The following PARD3 variants were observed in gnomAD, a reference collection of about 807,000 sequenced individuals.
PARD3 encodes par-3 family cell polarity regulator.
Under a neutral mutation model 155.4 loss-of-function variants are expected in PARD3, and 75 were observed. That is an observed-to-expected ratio of 0.48 (90% confidence interval 0.40 to 0.58). PARD3 has a LOEUF of 0.58. Among genes scored for constraint, PARD3 ranks in the 20% least tolerant of loss-of-function variants. The pLI is 0.00. For missense variants in PARD3, 1,642 were observed against 1,721.7 expected, an observed-to-expected ratio of 0.95 and a Z score of 0.82; for synonymous variants, 576 against 610.5, an observed-to-expected ratio of 0.94 and a Z score of 0.83.
At chr10:34,601,151 C>A (rs577761057) in intron 2 of PARD3, among the ~76,000 whole-genome samples, 1 of 151,026 alleles carries the variant, frequency 6.6e-6, no homozygotes, top group Non-Finnish European at 1.5e-5. Context: ...CCAGGCACAG[C>A]GGCTCACCCT....
At chr10:34,301,810 TCTC>T (rs1378742101) in intron 20 of PARD3, among the ~76,000 whole-genome samples, 5 of 124,426 alleles carry the variant, frequency 4.0e-5, no homozygotes, top group Non-Finnish European at 8.1e-5. Flanking sequence ...TATTGTTCTT[TCTC>T]CTTTCTTTTT....
At chr10:34,707,732 AC>A (rs1564530631) in intron 1 of PARD3, among the ~76,000 whole-genome samples, 2 of 152,206 alleles carry the variant, frequency 1.3e-5, no homozygotes, top group Non-Finnish European at 1.5e-5. Flanking sequence ...CTATAAGCAT[AC>A]AGATAATCTC....
In PARD3 at chr10:34,284,367, T is replaced by C. The variant is rs945009618; in HGVS notation, c.3066-122A>G. On this transcript the variant is annotated intron_variant, in intron 20 of 24. Coordinates refer to ENST00000374788, the MANE Select transcript of PARD3 (RefSeq NM_001184785.2). ...TTCTTCAAAACAGGGATCAGGTGTC[T>C]TCTGCAGTCAGTAGTTTGGGTCAGG... is the stretch of plus-strand genomic sequence containing the variant. The C allele has an allele frequency of 2.6e-5, 15 of 583,376 alleles. No individual in the cohort carries two copies. In the Admixed American group the frequency reaches 4.9e-4, roughly 19 times the overall value. The allele number at this position is 583,376 out of a possible 1,614,324, so 36.1% of individuals were successfully genotyped here. A position where few individuals can be genotyped will look rare whatever the true frequency, so the allele number is the denominator to read the frequency against.
intron 20 of PARD3, among the ~76,000 whole-genome samples, chr10:34,289,495 TTAATAATAA>T (rs76651141): frequency 1.3e-5 from 2 of 151,058 alleles, no homozygotes; most frequent in African/African-American, 2.4e-5. Context: ...TGGCCAGATC[TTAATAATAA>T]TAATAATAAT....
chr10:34,129,525 T>C (rs953799243), intron 23 of PARD3, among the ~76,000 whole-genome samples: 2 of 152,210 alleles, frequency 1.3e-5, no homozygotes, highest in Non-Finnish European at 2.9e-5. Flanking sequence ...ACCTGGCTAC[T>C]GGGCCAGTGT....
intron 1 of PARD3, among the ~76,000 whole-genome samples, chr10:34,778,795 C>G (rs1839900525): frequency 6.6e-6 from 1 of 152,154 alleles, no homozygotes; most frequent in African/African-American, 2.4e-5. Context: ...AAAAAAAGAG[C>G]TGGCTGTTTA....
At chr10:34,810,724 G>C (rs925940436) in intron 1 of PARD3, among the ~76,000 whole-genome samples, 1 of 152,186 alleles carries the variant, frequency 6.6e-6, no homozygotes, top group Non-Finnish European at 1.5e-5. Flanking sequence ...ACTGCTTGGT[G>C]GATAAAACAT....
At chr10:34,814,764 T>G in intron 1 of PARD3, 112 bp downstream of exon 1, 1 of 970,902 alleles carries the variant, frequency 1.0e-6, no homozygotes, top group Non-Finnish European at 1.4e-6. Flanking sequence ...CGGCCGCACT[T>G]TCCCTTTCCC....
chr10:34,716,721 T>A (rs2094527213), intron 1 of PARD3, among the ~76,000 whole-genome samples: 1 of 150,910 alleles, frequency 6.6e-6, no homozygotes, highest in Non-Finnish European at 1.5e-5. Flanking sequence ...GCCTCCCGAG[T>A]AGCTGGGATT....
intron 2 of PARD3, among the ~76,000 whole-genome samples, chr10:34,573,733 AAAAACACACAC>A (rs1564367836): frequency 0.091 from 10,727 of 117,884 alleles, 445 homozygotes; most frequent in African/African-American, 0.11. Context: ...ACAAACAAAC[AAAAACACACAC>A]ACACACACAC....
intron 2 of PARD3, among the ~76,000 whole-genome samples, chr10:34,631,025 G>A (rs2092246481): frequency 6.6e-6 from 1 of 151,570 alleles, no homozygotes; most frequent in Middle Eastern, 3.2e-3. Flanking sequence ...ATGTTGCCCA[G>A]GCTGCTCTCA....
chr10:34,795,503 G>A (rs1842152934), intron 1 of PARD3, among the ~76,000 whole-genome samples: 2 of 151,990 alleles, frequency 1.3e-5, no homozygotes, highest in South Asian at 4.2e-4. Context: ...CCTGCTACTC[G>A]GGAGGCTGAG....
intron 5 of PARD3, among the ~76,000 whole-genome samples, chr10:34,409,395 A>G (rs1844823491): frequency 6.6e-6 from 1 of 152,192 alleles, no homozygotes; most frequent in Non-Finnish European, 1.5e-5. Context: ...CAGCATCCAA[A>G]AGTACACTGC....
Position 34,814,860 on chromosome 10 carries a change from G to A in PARD3, c.120+16C>T. On this transcript the variant is annotated intron_variant, in intron 1 of 24. Transcript: ENST00000374788. Reference sequence around the variant, plus strand: ...CCGCCGCCGCCCCCTCCCCGCCCGCGCCCCCGGCCCCTCACCTTGGCGATG... The same window carrying A: ...CCGCCGCCGCCCCCTCCCCGCCCGCACCCCCGGCCCCTCACCTTGGCGATG... 3 of 945,672 alleles carry A rather than the reference G, an allele frequency of 3.2e-6. No homozygotes were observed. Among genetic ancestry groups the A allele is most frequent in the Non-Finnish European group, 4.5e-6 (3 of 663,100 alleles). 58.6% of individuals were successfully genotyped at this position (945,672 alleles called of 1,614,324 possible).
intron 22 of PARD3, among the ~76,000 whole-genome samples, chr10:34,176,427 T>A (rs928610531): frequency 5.3e-5 from 8 of 152,238 alleles, no homozygotes; most frequent in African/African-American, 1.9e-4. Flanking sequence ...ATGTGCTTGT[T>A]AGCAGAAAAT....
intron 1 of PARD3, among the ~76,000 whole-genome samples, chr10:34,793,721 GGTT>G (rs1841934680): frequency 3.3e-5 from 5 of 151,670 alleles, no homozygotes; most frequent in African/African-American, 1.2e-4. Context: ...GGGAGGCGGA[GGTT>G]GCAGTGAGCC....
At chr10:34,221,320 C>G (rs1952274183) in intron 22 of PARD3, among the ~76,000 whole-genome samples, 1 of 151,794 alleles carries the variant, frequency 6.6e-6, no homozygotes, top group Admixed American at 6.6e-5. Flanking sequence ...ACCAGGGAAG[C>G]CTGGGAGTTC....
At chr10:34,304,047 C>A (rs758810187) in intron 20 of PARD3, among the ~76,000 whole-genome samples, 1 of 151,956 alleles carries the variant, frequency 6.6e-6, no homozygotes, top group Admixed American at 6.6e-5. Flanking sequence ...GGAAGAGAGC[C>A]GGAGGAAAGA....
At chr10:34,400,411 A>G (rs745714564) in intron 6 of PARD3, among the ~76,000 whole-genome samples, 1 of 152,238 alleles carries the variant, frequency 6.6e-6, no homozygotes, top group Non-Finnish European at 1.5e-5. Context: ...GAAAATTTGT[A>G]TAGACAATGT....
Sources: gnomAD v4.1 joint callset for allele counts (sites outside exome capture counted in the v4.1 genomes callset) on GRCh38, gnomAD v4.1.1 for gene constraint, MANE v1.5 for transcripts, NCBI Gene and HGNC (gene_info 2026-07-23, HGNC 2026-07-21) for gene names.